The following ZSCAN5A variants were observed in gnomAD, a reference collection of about 807,000 sequenced individuals.
ZSCAN5A encodes the protein zinc finger and SCAN domain containing 5A.
A neutral mutation model predicts 23.7 loss-of-function variants in ZSCAN5A; 12 were observed. That is an observed-to-expected ratio of 0.51 (90% CI 0.32 to 0.82). ZSCAN5A has a LOEUF of 0.82. Ranked by LOEUF, ZSCAN5A falls within the 40% of genes least tolerant of loss-of-function variation. The probability of loss-of-function intolerance (pLI) is 0.03; values close to 1 mark genes in which losing one functional copy is unlikely to be tolerated. For synonymous variants in ZSCAN5A, 257 were observed against 239.9 expected, an observed-to-expected ratio of 1.07 and a Z score of -0.66; for missense variants, 597 against 617.9, an observed-to-expected ratio of 0.97 and a Z score of 0.36.
intron 2 of ZSCAN5A, among the ~76,000 whole-genome samples, chr19:56,235,073 A>C (rs1282312512): frequency 4.2e-4 from 56 of 134,322 alleles, no homozygotes; most frequent in African/African-American, 1.6e-3. Flanking sequence ...CCGTGGGCCA[A>C]GCCTCCACTC....
chr19:56,260,461 G>A (rs577995981), intron 2 of ZSCAN5A, among the ~76,000 whole-genome samples: 22 of 152,154 alleles, frequency 1.4e-4, no homozygotes, highest in African/African-American at 5.1e-4. Context: ...TGATCCGCCC[G>A]CCTCGGCCTC....
At chr19:56,324,641 C>CAAAAAAAAAAAA (rs35806754) in intron 2 of ZSCAN5A, among the ~76,000 whole-genome samples, 1 of 81,816 alleles carries the variant, frequency 1.2e-5, no homozygotes, top group Non-Finnish European at 2.9e-5. Context: ...TGTACATGTT[C>CAAAAAAAAAAAA]AAAAAAAAAA....
At chr19:56,338,777 T>G (rs1250795963) in intron 2 of ZSCAN5A, 1 of 152,182 alleles carries the variant, frequency 6.6e-6, no homozygotes, top group East Asian at 1.9e-4. Flanking sequence ...AACAGGACCT[T>G]GGGTCCTGGC....
chr19:56,295,543 C>T (rs905626841), intron 2 of ZSCAN5A, among the ~76,000 whole-genome samples: 1 of 151,900 alleles, frequency 6.6e-6, no homozygotes, highest in African/African-American at 2.4e-5. Context: ...TGCAGTGAGC[C>T]GAGATCGTCC....
At chr19:56,264,151 ACC>A (rs919897428) in intron 2 of ZSCAN5A, among the ~76,000 whole-genome samples, 5 of 151,872 alleles carry the variant, frequency 3.3e-5, no homozygotes, top group African/African-American at 1.2e-4. Context: ...CCGCCACCTC[ACC>A]CAGCTTAATT....
chr19:56,320,635 A>G, intron 2 of ZSCAN5A: 1 of 719,184 alleles, frequency 1.4e-6, no homozygotes, highest in South Asian at 1.4e-5. Flanking sequence ...AATAATAATA[A>G]TAAGCCAGGC....
intron 2 of ZSCAN5A, among the ~76,000 whole-genome samples, chr19:56,300,294 T>C (rs1412143867): frequency 6.6e-6 from 1 of 152,196 alleles, no homozygotes; most frequent in East Asian, 1.9e-4. Flanking sequence ...GCTCTCAAGA[T>C]AAACAACAGC....
At chr19:56,355,149 G>A (rs1274011707) in intron 2 of ZSCAN5A, among the ~76,000 whole-genome samples, 3 of 124,778 alleles carry the variant, frequency 2.4e-5, no homozygotes, top group Non-Finnish European at 5.2e-5. Context: ...CCAATTGACA[G>A]CTCCACGGGT....
chr19:56,319,158 C>T (rs1290490320), upstream of ZSCAN5A, among the ~76,000 whole-genome samples: 1 of 152,122 alleles, frequency 6.6e-6, no homozygotes, highest in African/African-American at 2.4e-5. Flanking sequence ...CCCCCTATTT[C>T]TTGTCTCCCT....
rs770631493 is a variant in ZSCAN5A, at chr19:56,222,736, C to T, written c.594G>A (p.Glu198=). Residue 198 remains glutamate (E), a synonymous_variant, in exon 5 of 6, where the codon GAG becomes GAA. Coordinates refer to ENST00000683990, the MANE Select transcript of ZSCAN5A (RefSeq NM_001322064.3). The part of the protein sequence containing the change: ...RVPALSRRQG[E]DFLLHKSIDV... ...CAATACTCTTGTGTAGCAGAAAGTC[C>T]TCTCCCTGAAGAGGAAAAACCAAGA... The T allele has an allele frequency of 3.7e-6, 6 of 1,614,168 alleles. No homozygotes were observed. Among genetic ancestry groups the T allele is most frequent in the Non-Finnish European group, 5.1e-6 (6 of 1,180,046 alleles).
intron 3 of ZSCAN5A, chr19:56,224,360 C>G: frequency 2.3e-6 from 1 of 441,290 alleles, no homozygotes; most frequent in East Asian, 3.7e-5. Context: ...CCCTGTACCC[C>G]CTCTGCCTGT....
intron 2 of ZSCAN5A, among the ~76,000 whole-genome samples, chr19:56,303,411 G>A (rs1050651445): frequency 2.0e-5 from 3 of 151,778 alleles, no homozygotes; most frequent in African/African-American, 7.3e-5. Context: ...CTGGGAAGCA[G>A]AGGTTGCAGT....
At chr19:56,246,880 C>A (rs780242799) in intron 2 of ZSCAN5A, 6 of 1,610,194 alleles carry the variant, frequency 3.7e-6, no homozygotes, top group Non-Finnish European at 5.1e-6. Flanking sequence ...TCTGAGATGT[C>A]CCAAAAGAAG....
chr19:56,365,789 C>G (rs2041760107), intron 1 of ZSCAN5A: 1 of 152,198 alleles, frequency 6.6e-6, no homozygotes, highest in Non-Finnish European at 1.5e-5. Context: ...AACCTGAACT[C>G]TAATTGATGA....
chr19:56,253,815 T>A (rs944142265), intron 2 of ZSCAN5A, among the ~76,000 whole-genome samples: 1 of 152,002 alleles, frequency 6.6e-6, no homozygotes, highest in African/African-American at 2.4e-5. Flanking sequence ...TTGCACGGGG[T>A]AAGGTGGCTG....
chr19:56,343,249 C>A (rs2041608522), intron 2 of ZSCAN5A: 1 of 833,190 alleles, frequency 1.2e-6, no homozygotes. Flanking sequence ...CTTGGCAACC[C>A]CCTTCAGTAT....
At chr19:56,303,851 T>A (rs1165365418) in intron 2 of ZSCAN5A, among the ~76,000 whole-genome samples, 1 of 152,016 alleles carries the variant, frequency 6.6e-6, no homozygotes, top group African/African-American at 2.4e-5. Flanking sequence ...AGTGGAAGGA[T>A]CTTGCCTTCA....
Position 56,351,276 on chromosome 19 carries a change from G to A in ZSCAN5A, c.-358+11959C>T, listed in dbSNP as rs938865381. ...TGCAAATGCTGGCCACTAGAAACTG[G>A]GTCCACTCAACATGGTGATTCCCAC... On this transcript the variant is annotated intron_variant, in intron 2 of 6. Coordinates refer to the ZSCAN5A transcript ENST00000587340. This position sits in a 1 kb window ranked among gnomAD's most constrained non-coding sequence, Gnocchi z 4.8. 9.9e-5 allele frequency among the ~76,000 whole-genome samples: 15 copies of A among 151,988 alleles called. No homozygotes were observed. Among genetic ancestry groups the A allele is most frequent in the African/African-American group, 3.6e-4 (15 of 41,360 alleles).
Position 56,248,969 on chromosome 19 carries a change from T to G in ZSCAN5A, c.-127-23796A>C, listed in dbSNP as rs763291212. Among the ~76,000 whole-genome samples, 83 of 152,274 alleles carry G rather than the reference T, an allele frequency of 5.5e-4. 1 individual carries two copies. The highest frequency in any genetic ancestry group is 3.4e-3 in the Middle Eastern group (1 of 294). On this transcript the variant is annotated intron_variant, in intron 2 of 5. Transcript: ENST00000683990. ...CCTGTGGGTTTGGACAAAGGCCTCA[T>G]GAGTATCCACCACTGGAGTATCATG...
Sources: gnomAD v4.1 joint callset for allele counts (sites outside exome capture counted in the v4.1 genomes callset) on GRCh38, gnomAD v4.1.1 for gene constraint, Gnocchi (gnomAD v3.1) non-coding constraint, MANE v1.5 for transcripts, NCBI Gene and HGNC (gene_info 2026-07-23, HGNC 2026-07-21) for gene names.